The following MOBP variants were observed in gnomAD, a reference collection of about 807,000 sequenced individuals.
The protein encoded by MOBP is myelin-associated oligodendrocyte basic protein.
Under a neutral mutation model 15.0 loss-of-function variants are expected in MOBP, and 5 were observed. That is an observed-to-expected ratio of 0.33 (90% CI 0.17 to 0.70). MOBP has a LOEUF of 0.70. Among genes scored for constraint, MOBP ranks in the 30% least tolerant of loss-of-function variants. The pLI is 0.67. For missense variants in MOBP, 188 were observed against 257.8 expected (o/e 0.73, Z 1.85); for synonymous variants, 88 against 99.0 (o/e 0.89, Z 0.66).
chr3:39,471,499 A>G (rs1304867580), intron 1 of MOBP, among the ~76,000 whole-genome samples: 1 of 152,220 alleles, frequency 6.6e-6, no homozygotes, highest in African/African-American at 2.4e-5. Context: ...GGGTAGGCAC[A>G]TCTGCTTTGG....
At chr3:39,493,365 A>T (rs575259811) in intron 2 of MOBP, among the ~76,000 whole-genome samples, 23 of 152,240 alleles carry the variant, frequency 1.5e-4, no homozygotes, top group Non-Finnish European at 2.8e-4. Flanking sequence ...TTAGAAAAAG[A>T]TATATTGTGT....
chr3:39,494,452 T>G (rs2125646277), intron 2 of MOBP, among the ~76,000 whole-genome samples: 1 of 152,312 alleles, frequency 6.6e-6, no homozygotes, highest in African/African-American at 2.4e-5. Flanking sequence ...AAGATTATAT[T>G]TTGCAGTTTC....
chr3:39,489,287 A>T (rs2042759512), intron 2 of MOBP, among the ~76,000 whole-genome samples: 4 of 152,178 alleles, frequency 2.6e-5, no homozygotes. Flanking sequence ...AGCCCTAATC[A>T]CATTTCAGTC....
intron 2 of MOBP, among the ~76,000 whole-genome samples, chr3:39,501,263 A>G (rs1404287737): frequency 6.6e-6 from 1 of 152,194 alleles, no homozygotes; most frequent in Non-Finnish European, 1.5e-5. Context: ...GTTTGTTGAG[A>G]GCAGAGACAT....
downstream of MOBP, among the ~76,000 whole-genome samples, chr3:39,517,088 G>A (rs2043213626): frequency 6.6e-6 from 1 of 152,144 alleles, no homozygotes; most frequent in African/African-American, 2.4e-5. Context: ...AAAAGGAAGT[G>A]TCCTTAGTGG....
rs1553616164 is a variant in MOBP at position 39,468,936 on chromosome 3, T to TTG, written c.-89+1202_-89+1203dup. Among the ~76,000 whole-genome samples the TTG allele has an allele frequency of 2.0e-4, 11 of 54,020 alleles. 2 individuals are homozygous for TTG. The highest frequency in any genetic ancestry group is 4.5e-4 in the African/African-American group (2 of 4,494). The allele number at this position is 54,020 out of a possible 152,430, so 35.4% of individuals were successfully genotyped here. ...GAGTGTGTATATATACATATATACA[T>TTG]TGTGTGTATATATACATATATACAT... On this transcript the variant is annotated intron_variant, in intron 1 of 3. Coordinates refer to ENST00000684792, the MANE Select transcript of MOBP (RefSeq NM_001393704.1).
intron 2 of MOBP, among the ~76,000 whole-genome samples, chr3:39,497,824 C>T (rs2125650991): frequency 1.3e-5 from 2 of 152,258 alleles, no homozygotes; most frequent in South Asian, 4.1e-4. Flanking sequence ...TCCCCAGAAC[C>T]AGATTAGTTT....
chr3:39,513,464 G>A, exon 5 of MOBP: 1 of 1,596,676 alleles, frequency 6.3e-7, no homozygotes, highest in Non-Finnish European at 8.6e-7. Flanking sequence ...TCGGCTCCTG[G>A]ACTCATTGCT....
rs749804326 is a variant in MOBP, at chr3:39,502,489, G to C, written c.207-46G>C. Reference sequence around the variant, plus strand: ...TCCTGCCAGCGTCGCTTAAGCAGCAGAGGAGAGCCCTGGCTCCCGCCTCCA... The same window carrying C: ...TCCTGCCAGCGTCGCTTAAGCAGCACAGGAGAGCCCTGGCTCCCGCCTCCA... On this transcript the variant is annotated intron_variant, in intron 3 of 3. Coordinates refer to ENST00000684792, the MANE Select transcript of MOBP (RefSeq NM_001393704.1). This position sits in a 1 kb window ranked among gnomAD's most constrained non-coding sequence, Gnocchi z 6.3. The C allele has an allele frequency of 9.0e-6, 14 of 1,547,568 alleles. No individual in the cohort carries two copies. The highest frequency in any genetic ancestry group is 1.1e-5 in the Non-Finnish European group (13 of 1,154,026).
At chr3:39,522,277 C>T (rs1030432463) in intron 3 of MOBP, among the ~76,000 whole-genome samples, 2 of 152,184 alleles carry the variant, frequency 1.3e-5, no homozygotes, top group African/African-American at 4.8e-5. Flanking sequence ...AGAGCTCATA[C>T]AGTAAAACAA....
At chr3:39,512,827 A>T (rs1257782217) in intron 4 of MOBP, among the ~76,000 whole-genome samples, 1 of 152,212 alleles carries the variant, frequency 6.6e-6, no homozygotes, top group Non-Finnish European at 1.5e-5. Flanking sequence ...ATTAAAGCTG[A>T]TATCACACAA....
chr3:39,494,037 T>G (rs1169114529), intron 2 of MOBP, among the ~76,000 whole-genome samples: 1 of 152,226 alleles, frequency 6.6e-6, no homozygotes, highest in Non-Finnish European at 1.5e-5. Flanking sequence ...TTTCATTGAC[T>G]AGAATGTGGT....
downstream of MOBP, chr3:39,529,330 C>T (rs1020595533): frequency 6.6e-6 from 1 of 152,046 alleles, no homozygotes; most frequent in African/African-American, 2.4e-5. Context: ...AAGTAAAATG[C>T]CAAGGTGTAA....
At chr3:39,472,378 A>G (rs2042483373) in intron 1 of MOBP, among the ~76,000 whole-genome samples, 1 of 152,192 alleles carries the variant, frequency 6.6e-6, no homozygotes. Flanking sequence ...GATGACATAG[A>G]TTAACTTTTT....
At chr3:39,469,283 C>A (rs200977318) in intron 1 of MOBP, among the ~76,000 whole-genome samples, 1 of 116,824 alleles carries the variant, frequency 8.6e-6, no homozygotes, top group Admixed American at 8.8e-5. Flanking sequence ...GATATATATA[C>A]ATATGTGTGT....
chr3:39,511,098 A>G (rs2043114007), intron 4 of MOBP, among the ~76,000 whole-genome samples: 1 of 152,238 alleles, frequency 6.6e-6, no homozygotes, highest in Non-Finnish European at 1.5e-5. Flanking sequence ...CCTAAATACT[A>G]TTAGAATTAC....
exon 5 of MOBP, chr3:39,515,698 TGTGATAC>T (rs1157736188): frequency 3.3e-5 from 5 of 152,394 alleles, no homozygotes; most frequent in Admixed American, 3.3e-4. Flanking sequence ...TCATTCCGCA[TGTGATAC>T]TCTGGTCCAA....
chr3:39,469,205 C>CAT (rs763474071), intron 1 of MOBP, among the ~76,000 whole-genome samples: 865 of 59,988 alleles, frequency 0.014, 33 homozygotes, highest in Non-Finnish European at 0.018. Flanking sequence ...TACATATATA[C>CAT]ATGTGTGTGT....
chr3:39,504,235 C>G (rs526303), downstream of MOBP, among the ~76,000 whole-genome samples: 147,652 of 152,346 alleles, frequency 0.97, 71,635 homozygotes, highest in Middle Eastern at 1. Context: ...CTCTTAAGGA[C>G]CCTGAGTAGA....
Sources: gnomAD v4.1 joint callset for allele counts (sites outside exome capture counted in the v4.1 genomes callset) on GRCh38, gnomAD v4.1.1 for gene constraint, Gnocchi (gnomAD v3.1) non-coding constraint, MANE v1.5 for transcripts, NCBI Gene and HGNC (gene_info 2026-07-23, HGNC 2026-07-21) for gene names.